Variants in ATP11A observed in about 807,000 individuals in gnomAD.
ATP11A encodes the protein ATPase phospholipid transporting 11A.
Under a neutral mutation model 154.4 loss-of-function variants are expected in ATP11A, and 81 were observed. The observed-to-expected ratio is 0.52, with a 90% CI of 0.44 to 0.63. The LOEUF (loss-of-function observed/expected upper bound fraction) is 0.63, where lower values mean the gene tolerates loss of function less well. Among genes scored for constraint, ATP11A ranks in the 30% least tolerant of loss-of-function variants. The pLI is 0.00. For synonymous variants in ATP11A, 623 were observed against 585.9 expected (o/e 1.06, Z -0.91); for missense variants, 1,316 against 1,474.3 (o/e 0.89, Z 1.76).
At chr13:112,722,281 G>A (rs1016112539) in intron 1 of ATP11A, among the ~76,000 whole-genome samples, 1 of 150,420 alleles carries the variant, frequency 6.6e-6, no homozygotes, top group African/African-American at 2.4e-5. Flanking sequence ...CGGGGGGTAG[G>A]GGGACCGGGG....
rs149723693 is a variant in ATP11A, at chr13:112,743,814, G to A, written c.40-41321G>A. 3.3e-3 allele frequency among the ~76,000 whole-genome samples: 509 copies of A among 152,334 alleles called. 3 individuals are homozygous for A. Among genetic ancestry groups the A allele is most frequent in the Non-Finnish European group, 5.5e-3 (371 of 68,030 alleles). On this transcript the variant is annotated intron_variant, in intron 1 of 29. Transcript: ENST00000375645. ...TGTTTATTTCCTGTGGTCTCAGGGTGTCCTTCCCTGGAGTTTAGTATAGGC... is the reference window on the plus strand; with the variant it reads ...TGTTTATTTCCTGTGGTCTCAGGGTATCCTTCCCTGGAGTTTAGTATAGGC...
chr13:112,759,852 A>G (rs1181208691), intron 1 of ATP11A, among the ~76,000 whole-genome samples: 1 of 152,224 alleles, frequency 6.6e-6, no homozygotes, highest in Non-Finnish European at 1.5e-5. Context: ...TAATTTTTGT[A>G]AACGCCCTTG....
chr13:112,762,565 C>T (rs768084921), intron 1 of ATP11A, among the ~76,000 whole-genome samples: 1 of 152,110 alleles, frequency 6.6e-6, no homozygotes, highest in Admixed American at 6.5e-5. Context: ...TTTCCTCACC[C>T]GAAGATAAGA....
At chr13:112,779,323 C>T (rs1259191919) in intron 1 of ATP11A, among the ~76,000 whole-genome samples, 3 of 122,246 alleles carry the variant, frequency 2.5e-5, no homozygotes, top group African/African-American at 9.4e-5. Context: ...GGAGTAGCCG[C>T]TGGAGTGAGG....
rs757232587 is a variant in ATP11A at position 112,836,806 on chromosome 13, C to T, written c.1705+555C>T. Reference sequence around the variant, plus strand: ...CGGGGCACAGTCAGAGCCCTGTGGCCGCCATGATGTTTTGGTGACCCACAC... The same window carrying T: ...CGGGGCACAGTCAGAGCCCTGTGGCTGCCATGATGTTTTGGTGACCCACAC... On this transcript the variant is annotated intron_variant, in intron 16 of 29. Transcript: ENST00000375645. 8.3e-4 allele frequency among the ~76,000 whole-genome samples: 127 copies of T among 152,318 alleles called. 1 individual carries two copies. Among genetic ancestry groups the T allele is most frequent in the Admixed American group, 2.3e-3 (35 of 15,304 alleles).
intron 19 of ATP11A, 144 bp downstream of exon 19, chr13:112,854,674 G>C: frequency 1.0e-6 from 1 of 994,674 alleles, no homozygotes; most frequent in Non-Finnish European, 1.4e-6. Flanking sequence ...AGCTTCTTAG[G>C]GGTCAGGTGA....
chr13:112,772,526 C>T (rs1036615774), intron 1 of ATP11A, among the ~76,000 whole-genome samples: 2 of 78,026 alleles, frequency 2.6e-5, no homozygotes, highest in African/African-American at 6.3e-5. Flanking sequence ...AAAACATTTT[C>T]ATCACCCTCA....
At chr13:112,778,675 ACTGGAGTGAGTAGCCG>A (rs2077410134) in intron 1 of ATP11A, among the ~76,000 whole-genome samples, 1 of 39,710 alleles carries the variant, frequency 2.5e-5, no homozygotes, top group Non-Finnish European at 4.6e-5. Context: ...AGGAGTAGCC[ACTGGAGTGAGTAGCCG>A]CTGGAGTGAG....
At chr13:112,850,677 A>T (rs79204917) in intron 17 of ATP11A, among the ~76,000 whole-genome samples, 1 of 152,128 alleles carries the variant, frequency 6.6e-6, no homozygotes, top group African/African-American at 2.4e-5. Flanking sequence ...TAAAAAAAAA[A>T]GGTTAAATTT....
Position 112,875,706 on chromosome 13 carries a change from T to C in ATP11A, c.3162-70T>C. 6.5e-7 allele frequency: 1 copy of C among 1,533,846 alleles called. No homozygotes were observed. On this transcript the variant is annotated intron_variant, in intron 27 of 29. Coordinates refer to ENST00000375645, the MANE Select transcript of ATP11A (RefSeq NM_015205.3). This position sits in a 1 kb window ranked among gnomAD's most constrained non-coding sequence, Gnocchi z 4.1. Reference sequence around the variant, plus strand: ...GTAAACTCCCTGAACAGACGGCCTCTCCAGTGAGTAGAGAGGCCAGCCCCA... The same window carrying C: ...GTAAACTCCCTGAACAGACGGCCTCCCCAGTGAGTAGAGAGGCCAGCCCCA...
At chr13:112,725,071 C>T (rs1889673597) in intron 1 of ATP11A, among the ~76,000 whole-genome samples, 1 of 152,200 alleles carries the variant, frequency 6.6e-6, no homozygotes, top group African/African-American at 2.4e-5. Flanking sequence ...GCCGACGCCT[C>T]TTGCCGTAGG....
chr13:112,886,733 T>C lies in ATP11A; in HGVS notation c.*4867T>C, dbSNP rs931603613. The C allele has an allele frequency of 1.3e-5, 2 of 152,738 alleles. No individual in the cohort carries two copies. The highest frequency in any genetic ancestry group is 2.1e-4 in the South Asian group (1 of 4,830). The allele number at this position is 152,738 out of a possible 1,614,324, so 9.5% of individuals were successfully genotyped here. On this transcript the variant is annotated 3_prime_UTR_variant, in exon 30 of 30. Transcript: ENST00000375645. Reference sequence around the variant, plus strand: ...ATACAGAATTTTAATATGCATATATTGTGTCTGACTTAAAATTATAATGTC... The same window carrying C: ...ATACAGAATTTTAATATGCATATATCGTGTCTGACTTAAAATTATAATGTC...
intron 1 of ATP11A, among the ~76,000 whole-genome samples, chr13:112,733,656 G>T (rs1021199961): frequency 6.6e-6 from 1 of 152,130 alleles, no homozygotes; most frequent in Non-Finnish European, 1.5e-5. Flanking sequence ...TGGATCACAA[G>T]TGAAGGAGTA....
chr13:112,840,836 G>A (rs1266275885), intron 16 of ATP11A, among the ~76,000 whole-genome samples: 7 of 151,912 alleles, frequency 4.6e-5, no homozygotes, highest in African/African-American at 9.7e-5. Context: ...GATCCGGGTC[G>A]TCAGCCCGAG....
chr13:112,827,827 G>A (rs574452929), intron 12 of ATP11A, among the ~76,000 whole-genome samples: 11 of 152,314 alleles, frequency 7.2e-5, no homozygotes, highest in African/African-American at 2.4e-4. Context: ...GCCAACAAAC[G>A]GAAGGATCAT....
chr13:112,861,933 CAT>C (rs1181470068), intron 24 of ATP11A, among the ~76,000 whole-genome samples: 15 of 151,996 alleles, frequency 9.9e-5, no homozygotes, highest in South Asian at 2.1e-4. Context: ...CTGTTCTAGA[CAT>C]GTGTCTGAAA....
intron 12 of ATP11A, among the ~76,000 whole-genome samples, chr13:112,828,224 G>A (rs1282488244): frequency 6.7e-6 from 1 of 148,842 alleles, no homozygotes; most frequent in Non-Finnish European, 1.5e-5. Flanking sequence ...GCAGTGTTGA[G>A]TGCAGGGGAA....
chr13:112,875,845 G>A lies in ATP11A; in HGVS notation c.3231G>A (p.Leu1077=). 1 of 1,613,990 alleles carries A rather than the reference G, an allele frequency of 6.2e-7. No individual in the cohort carries two copies. The highest frequency in any genetic ancestry group is 1.1e-5 in the South Asian group (1 of 91,086). ...IQMLSSGPAW[L]AIVLLVTISL... is the part of the protein sequence containing the mutation. ...TGCTGTCCAGCGGGCCCGCCTGGCT[G>A]GCCATCGTGCTGCTGGTGACCATCA... is the stretch of plus-strand genomic sequence containing the variant. Residue 1077 remains leucine, a synonymous_variant, in exon 28 of 30, where the codon CTG becomes CTA. Transcript: ENST00000375645. This position sits in a 1 kb window ranked among gnomAD's most constrained non-coding sequence, Gnocchi z 4.1.
chr13:112,784,298 G>A (rs997673638), intron 1 of ATP11A, among the ~76,000 whole-genome samples: 1 of 152,208 alleles, frequency 6.6e-6, no homozygotes, highest in African/African-American at 2.4e-5. Context: ...CATGGCAATG[G>A]TAAACTGATA....
Sources: gnomAD v4.1 joint callset for allele counts (sites outside exome capture counted in the v4.1 genomes callset) on GRCh38, gnomAD v4.1.1 for gene constraint, Gnocchi (gnomAD v3.1) non-coding constraint, MANE v1.5 for transcripts, NCBI Gene and HGNC (gene_info 2026-07-23, HGNC 2026-07-21) for gene names.